The following MSRA variants were observed in gnomAD, a reference collection of about 807,000 sequenced individuals.
MSRA encodes the protein methionine sulfoxide reductase A.
In MSRA, 54 loss-of-function variants were observed where a neutral mutation model predicts 31.3. The ratio of observed to expected loss-of-function variants is 1.73; its 90% CI spans 1.39 to 2.17. The LOEUF is 2.17. MSRA is among the 30% of genes most tolerant of loss of function. MSRA has a pLI of 0.00. For missense variants in MSRA, 507 were observed against 300.9 expected (o/e 1.69, Z -5.07); for synonymous variants, 169 against 116.5 (o/e 1.45, Z -2.90).
chr8:10,340,325 G>T (rs1021252711), intron 5 of MSRA, among the ~76,000 whole-genome samples: 1 of 152,138 alleles, frequency 6.6e-6, no homozygotes, highest in African/African-American at 2.4e-5. Context: ...ATGTATATCC[G>T]AATTCCACGT....
chr8:10,093,899 T>C (rs1798986561), intron 1 of MSRA, among the ~76,000 whole-genome samples: 1 of 152,182 alleles, frequency 6.6e-6, no homozygotes, highest in Non-Finnish European at 1.5e-5. Flanking sequence ...TGGTTGACAG[T>C]TATTTTCCTT....
intron 5 of MSRA, 165 bp downstream of exon 5, chr8:10,320,154 C>T (rs1301717376): frequency 1.8e-5 from 9 of 505,182 alleles, no homozygotes; most frequent in Non-Finnish European, 2.8e-5. Flanking sequence ...GTGTCTAATA[C>T]GTGTGCTAAA....
At chr8:10,334,188 A>ATGTG (rs61031081) in intron 5 of MSRA, among the ~76,000 whole-genome samples, 124 of 137,002 alleles carry the variant, frequency 9.1e-4, no homozygotes, top group Non-Finnish European at 1.6e-3. Context: ...GTGTGTATTT[A>ATGTG]TGTGTGTGTG....
intron 5 of MSRA, among the ~76,000 whole-genome samples, chr8:10,380,601 A>G (rs1328829575): frequency 6.6e-6 from 1 of 152,180 alleles, no homozygotes; most frequent in Non-Finnish European, 1.5e-5. Context: ...ACATTTAGTA[A>G]TTTCTTTCCT....
chr8:10,085,014 A>G (rs1265259433), intron 1 of MSRA, among the ~76,000 whole-genome samples: 2 of 152,238 alleles, frequency 1.3e-5, no homozygotes, highest in Non-Finnish European at 2.9e-5. Context: ...TTTAAAACAT[A>G]TCAACTAAAT....
chr8:10,139,971 T>C (rs1395238499), intron 1 of MSRA, among the ~76,000 whole-genome samples: 1 of 152,232 alleles, frequency 6.6e-6, no homozygotes, highest in East Asian at 1.9e-4. Flanking sequence ...GAGTCATCTA[T>C]AGCAAAAGAC....
At chr8:10,278,690 G>A (rs1196937685) in intron 3 of MSRA, among the ~76,000 whole-genome samples, 1 of 152,198 alleles carries the variant, frequency 6.6e-6, no homozygotes, top group East Asian at 1.9e-4. Context: ...TTAGAGATGA[G>A]AGATAGAGCT....
intron 1 of MSRA, among the ~76,000 whole-genome samples, chr8:10,140,384 C>T (rs544530489): frequency 6.6e-6 from 1 of 152,194 alleles, no homozygotes; most frequent in African/African-American, 2.4e-5. Flanking sequence ...TTTCAGGTAG[C>T]ATGTCCTGAA....
intron 5 of MSRA, among the ~76,000 whole-genome samples, chr8:10,412,768 A>T (rs1585721807): frequency 6.6e-6 from 1 of 152,342 alleles, no homozygotes; most frequent in Non-Finnish European, 1.5e-5. Flanking sequence ...CCACGTTGTG[A>T]TGCTACTCTA....
intron 4 of MSRA, among the ~76,000 whole-genome samples, chr8:10,311,209 C>G (rs1191315002): frequency 1.3e-5 from 2 of 152,064 alleles, no homozygotes; most frequent in African/African-American, 4.8e-5. Context: ...GAAAGCAGCT[C>G]CAAATGTTGA....
At chr8:10,272,318 C>A (rs1473428119) in intron 3 of MSRA, among the ~76,000 whole-genome samples, 1 of 152,110 alleles carries the variant, frequency 6.6e-6, no homozygotes. Flanking sequence ...AAGATCTAAG[C>A]TGGAGAACAA....
intron 1 of MSRA, among the ~76,000 whole-genome samples, chr8:10,152,604 A>G (rs1055332585): frequency 5.3e-5 from 8 of 152,188 alleles, no homozygotes; most frequent in African/African-American, 1.7e-4. Flanking sequence ...ATTGTTTTAG[A>G]TTCTGTGGAT....
chr8:10,329,350 C>T (rs528947489), intron 5 of MSRA, among the ~76,000 whole-genome samples: 5 of 152,170 alleles, frequency 3.3e-5, no homozygotes, highest in Non-Finnish European at 5.9e-5. Flanking sequence ...CTGGTGGGTG[C>T]CACCATGCAT....
At chr8:10,311,235 A>G (rs969749648) in intron 4 of MSRA, among the ~76,000 whole-genome samples, 4 of 152,252 alleles carry the variant, frequency 2.6e-5, no homozygotes, top group Admixed American at 1.3e-4. Context: ...ATACAACTAT[A>G]TATATAAAGC....
At chr8:10,353,651 G>C (rs1015949903) in intron 5 of MSRA, 1 of 456,152 alleles carries the variant, frequency 2.2e-6, no homozygotes, top group Non-Finnish European at 4.4e-6. Context: ...AGAGAACACA[G>C]ACTGGGCTGC....
chr8:10,294,865 G>C (rs1160037872), intron 3 of MSRA, among the ~76,000 whole-genome samples: 1 of 152,136 alleles, frequency 6.6e-6, no homozygotes, highest in Non-Finnish European at 1.5e-5. Flanking sequence ...GGGCCGGCTT[G>C]GGAGGGGTGG....
intron 5 of MSRA, among the ~76,000 whole-genome samples, chr8:10,344,753 C>G (rs1170691165): frequency 6.6e-6 from 1 of 152,126 alleles, no homozygotes; most frequent in Non-Finnish European, 1.5e-5. Flanking sequence ...TTCACCAACA[C>G]ATTCTCCATT....
intron 5 of MSRA, among the ~76,000 whole-genome samples, chr8:10,330,703 T>G (rs1802645545): frequency 6.6e-6 from 1 of 152,244 alleles, no homozygotes; most frequent in South Asian, 2.1e-4. Context: ...ATTTTCTACA[T>G]TAAGTAAGCT....
rs748362544 is a variant in MSRA at position 10,271,865 on chromosome 8, C to T, written c.331+26642C>T. Reference sequence around the variant, plus strand: ...TCTCAAGTAGCTGGGATTATAGGCACGTGCTACCACGCCCAGCTAATTTTG... The same window carrying T: ...TCTCAAGTAGCTGGGATTATAGGCATGTGCTACCACGCCCAGCTAATTTTG... On this transcript the variant is annotated intron_variant, in intron 3 of 5. Coordinates refer to ENST00000317173, the MANE Select transcript of MSRA (RefSeq NM_012331.5). Among the ~76,000 whole-genome samples the T allele has an allele frequency of 1.8e-4, 28 of 152,020 alleles. 1 individual carries two copies. The highest frequency in any genetic ancestry group is 5.3e-4 in the African/African-American group (22 of 41,402).
Sources: allele counts gnomAD v4.1 joint callset (sites outside exome capture counted in the v4.1 genomes callset), GRCh38; gene constraint gnomAD v4.1.1; transcripts MANE v1.5; gene names NCBI Gene and HGNC (gene_info 2026-07-23, HGNC 2026-07-21).